Variants in PDE4D observed in about 807,000 individuals in gnomAD.
The protein encoded by PDE4D is phosphodiesterase 4D.
Under a neutral mutation model 87.4 loss-of-function variants are expected in PDE4D, and 24 were observed. That is an observed-to-expected ratio of 0.27 (90% CI 0.20 to 0.39). The LOEUF is 0.39. PDE4D is among the 10% of genes least tolerant of loss of function. The pLI, the probability that PDE4D is intolerant of heterozygous loss-of-function variation, is 1.00. For synonymous variants in PDE4D, 384 were observed against 383.2 expected, an observed-to-expected ratio of 1.00 and a Z score of -0.02; for missense variants, 714 against 1,041.0, an observed-to-expected ratio of 0.69 and a Z score of 4.32.
intron 5 of PDE4D, among the ~76,000 whole-genome samples, chr5:59,099,114 G>A (rs1770290007): frequency 6.6e-6 from 1 of 152,170 alleles, no homozygotes; most frequent in Admixed American, 6.5e-5. Context: ...AATCTGTAAG[G>A]ATATTCAGTC....
chr5:60,116,655 G>C (rs7444851), intron 2 of PDE4D, among the ~76,000 whole-genome samples: 2 of 151,702 alleles, frequency 1.3e-5, no homozygotes, highest in African/African-American at 4.8e-5. Context: ...GGGAAAATTC[G>C]GTTGGTGCTG....
chr5:59,000,004 C>G (rs573559659), intron 6 of PDE4D: 1 of 737,318 alleles, frequency 1.4e-6, no homozygotes, highest in Non-Finnish European at 1.7e-6. Flanking sequence ...TGCATTCCAG[C>G]TCTTAGCCTA....
chr5:59,207,787 T>C (rs1246849862), intron 2 of PDE4D, among the ~76,000 whole-genome samples: 1 of 151,798 alleles, frequency 6.6e-6, no homozygotes, highest in Non-Finnish European at 1.5e-5. Flanking sequence ...TATTTATAAG[T>C]TTAAATAATT....
rs138880400 is a variant in PDE4D at position 60,111,555 on chromosome 5, C to T, written c.42+74002G>A. ...ATCATCATTGGAATGGTTTTCACTA[C>T]GATGTCCTATTAAGAGCAAATATTC... On this transcript the variant is annotated intron_variant, in intron 2 of 16. Coordinates refer to the PDE4D transcript ENST00000502484. Among the ~76,000 whole-genome samples the T allele has an allele frequency of 8.5e-3, 1,291 of 152,046 alleles. 13 individuals carry two copies. The highest frequency in any genetic ancestry group is 0.028 in the African/African-American group (1,173 of 41,520).
At chr5:60,284,019 A>G (rs1752188281) in intron 1 of PDE4D, among the ~76,000 whole-genome samples, 1 of 152,178 alleles carries the variant, frequency 6.6e-6, no homozygotes, top group Non-Finnish European at 1.5e-5. Context: ...CACACTAGGT[A>G]GCACAGTGAA....
At chr5:60,038,417 C>G (rs1768062703) in intron 2 of PDE4D, among the ~76,000 whole-genome samples, 1 of 152,034 alleles carries the variant, frequency 6.6e-6, no homozygotes, top group South Asian at 2.1e-4. Flanking sequence ...TCAGGTTCGT[C>G]AAAGATCAGA....
intron 1 of PDE4D, among the ~76,000 whole-genome samples, chr5:59,599,595 T>C (rs1309954858): frequency 6.6e-6 from 1 of 152,158 alleles, no homozygotes; most frequent in Non-Finnish European, 1.5e-5. Flanking sequence ...TGTTAGGCAA[T>C]AGAGACCTTT....
intron 1 of PDE4D, among the ~76,000 whole-genome samples, chr5:59,439,223 G>T: frequency 6.6e-6 from 1 of 152,078 alleles, no homozygotes; most frequent in East Asian, 1.9e-4. Context: ...GCTGTGCATG[G>T]TGGCACACAC....
Position 59,901,923 on chromosome 5 carries a change from A to AACACACACAC in PDE4D, c.272+86555_272+86564dup, listed in dbSNP as rs59453461. Among the ~76,000 whole-genome samples the AACACACACAC allele has an allele frequency of 2.1e-3, 283 of 134,338 alleles. 5 individuals are homozygous for AACACACACAC. The highest frequency in any genetic ancestry group is 3.8e-3 in the Middle Eastern group (1 of 262). 88.1% of individuals were successfully genotyped at this position (134,338 alleles called of 152,430 possible). ...CAGCACAGAAAATGTCTTACATGCA[A>AACACACACAC]ACACACACACACACACACACACACA... is the stretch of plus-strand genomic sequence containing the variant. On this transcript the variant is annotated intron_variant, in intron 3 of 16. Transcript: ENST00000502484.
At chr5:60,040,361 C>T (rs1677879737) in intron 2 of PDE4D, among the ~76,000 whole-genome samples, 1 of 152,168 alleles carries the variant, frequency 6.6e-6, no homozygotes, top group Non-Finnish European at 1.5e-5. Flanking sequence ...TGCCTCTACT[C>T]TCTCACCAAT....
chr5:59,233,274 C>T (rs1755650013), intron 1 of PDE4D, among the ~76,000 whole-genome samples: 1 of 151,750 alleles, frequency 6.6e-6, no homozygotes, highest in East Asian at 1.9e-4. Context: ...ACAAAATATC[C>T]CATTATCCTA....
At position 59,688,760 on chromosome 5, in the gene PDE4D, CA is replaced by C. The variant is rs1195526433; in HGVS notation, c.455+204407del. 7.2e-5 allele frequency among the ~76,000 whole-genome samples: 11 copies of C among 152,002 alleles called. No individual in the cohort carries two copies. The East Asian group carries it at 1.5e-3, about 21-fold the overall frequency. On this transcript the variant is annotated intron_variant, in intron 1 of 14. Transcript: ENST00000340635. ...GAGATAGAGACACAAAAAAACCCTTCAAAAAATCAATGAATCCAGGAGCTGG... is the reference window on the plus strand; with the variant it reads ...GAGATAGAGACACAAAAAAACCCTTCAAAAATCAATGAATCCAGGAGCTGG...
intron 1 of PDE4D, among the ~76,000 whole-genome samples, chr5:59,448,198 C>G (rs892788754): frequency 6.6e-6 from 1 of 152,204 alleles, no homozygotes; most frequent in African/African-American, 2.4e-5. Flanking sequence ...GGTACCTTCT[C>G]TAACCTTTCA....
intron 6 of PDE4D, among the ~76,000 whole-genome samples, chr5:59,006,287 T>C (rs551250645): frequency 1.4e-4 from 21 of 152,216 alleles, no homozygotes; most frequent in Non-Finnish European, 1.6e-4. Context: ...TTTCTTGGCC[T>C]GGTGAAGTGC....
At chr5:59,207,996 A>G (rs1237556738) in intron 2 of PDE4D, among the ~76,000 whole-genome samples, 1 of 146,752 alleles carries the variant, frequency 6.8e-6, no homozygotes, top group South Asian at 2.1e-4. Context: ...CATCTCTACT[A>G]AAAGTAAAAA....
At chr5:59,365,464 T>C (rs1782901168) in intron 1 of PDE4D, among the ~76,000 whole-genome samples, 1 of 152,016 alleles carries the variant, frequency 6.6e-6, no homozygotes, top group African/African-American at 2.4e-5. Flanking sequence ...AGACCCTATC[T>C]CTAAAAACAA....
chr5:60,155,268 C>A (rs1312650230), intron 2 of PDE4D, among the ~76,000 whole-genome samples: 1 of 152,122 alleles, frequency 6.6e-6, no homozygotes, highest in Non-Finnish European at 1.5e-5. Context: ...CATTGTCTAT[C>A]TTTTTTTATT....
At chr5:59,315,502 T>C (rs981780000) in intron 1 of PDE4D, among the ~76,000 whole-genome samples, 1 of 152,052 alleles carries the variant, frequency 6.6e-6, no homozygotes, top group Non-Finnish European at 1.5e-5. Flanking sequence ...TAGGTGGATA[T>C]GAGCAGGGCA....
At chr5:59,208,370 A>G (rs27174) in intron 2 of PDE4D, among the ~76,000 whole-genome samples, 151,682 of 152,330 alleles carry the variant, frequency 1, 75,557 homozygotes, top group Middle Eastern at 1. Flanking sequence ...AACTTTTTAT[A>G]ACTAACATTT....
Sources: allele counts gnomAD v4.1 joint callset (sites outside exome capture counted in the v4.1 genomes callset), GRCh38; gene constraint gnomAD v4.1.1; transcripts MANE v1.5; gene names NCBI Gene and HGNC (gene_info 2026-07-23, HGNC 2026-07-21).